Variants in GABRA1 observed in about 807,000 individuals in gnomAD.
The protein encoded by GABRA1 is gamma-aminobutyric acid type A receptor subunit alpha1, also known as gamma-aminobutyric acid receptor subunit alpha-1.
GABRA1 carries 9 observed loss-of-function variants against 48.9 expected under a neutral mutation model. The observed-to-expected ratio is 0.18, with a 90% CI of 0.11 to 0.32. GABRA1 has a LOEUF of 0.32. Among genes scored for constraint, GABRA1 ranks in the 10% least tolerant of loss-of-function variants. The pLI is 1.00. For missense variants in GABRA1, 285 were observed against 553.8 expected, an observed-to-expected ratio of 0.51 and a Z score of 4.87; for synonymous variants, 210 against 198.7, an observed-to-expected ratio of 1.06 and a Z score of -0.48.
chr5:161,869,583 T>C (rs1561573515), intron 4 of GABRA1, among the ~76,000 whole-genome samples: 1 of 152,194 alleles, frequency 6.6e-6, no homozygotes, highest in Non-Finnish European at 1.5e-5. Flanking sequence ...CACAGAGCCT[T>C]GTTTTCCATA....
At position 161,850,903 on chromosome 5, in the gene GABRA1, A is replaced by G. The variant is rs370522819; in HGVS notation, c.74+19A>G. On this transcript the variant is annotated intron_variant, in intron 2 of 9. Transcript: ENST00000393943. ...GAAGAAGGTGGGGACACTTTTTTAA[A>G]AATCTGCATGAAAATTTCTGTAACT... The G allele has an allele frequency of 1.8e-4, 285 of 1,600,174 alleles. 1 individual carries two copies. Among genetic ancestry groups the G allele is most frequent in the Admixed American group, 1.8e-4 (11 of 59,976 alleles).
In GABRA1 at chr5:161,871,527, A is replaced by G. The variant is rs114344647; in HGVS notation, c.256-1590A>G. Among the ~76,000 whole-genome samples, 783 of 152,286 alleles carry G rather than the reference A, an allele frequency of 5.1e-3. 11 individuals carry two copies. Among genetic ancestry groups the G allele is most frequent in the African/African-American group, 0.018 (752 of 41,568 alleles). ...CAGTTTTCCTGACAGGCATTGGCACATTGTATCACTTGCTGATATCATCCA... is the reference window on the plus strand; with the variant it reads ...CAGTTTTCCTGACAGGCATTGGCACGTTGTATCACTTGCTGATATCATCCA... On this transcript the variant is annotated intron_variant, in intron 4 of 9. Coordinates refer to ENST00000393943, the MANE Select transcript of GABRA1 (RefSeq NM_001127644.2).
chr5:161,856,724 G>A lies in GABRA1; in HGVS notation c.187+2454G>A, dbSNP rs187909593. On this transcript the variant is annotated intron_variant, in intron 3 of 9. Coordinates refer to ENST00000393943, the MANE Select transcript of GABRA1 (RefSeq NM_001127644.2). ...TTTTTTAATCCTTAAGGAATAAAAT[G>A]GCACATGTTTATTACTTATATCTAC... Among the ~76,000 whole-genome samples, 77 of 150,794 alleles carry A rather than the reference G, an allele frequency of 5.1e-4. 2 individuals are homozygous for A. In the East Asian group the frequency reaches 7.2e-3, roughly 14 times the overall value.
At chr5:161,879,167 G>A (rs1754499395) in intron 6 of GABRA1, among the ~76,000 whole-genome samples, 1 of 152,138 alleles carries the variant, frequency 6.6e-6, no homozygotes, top group African/African-American at 2.4e-5. Context: ...GGAGTGCAGT[G>A]GCACAATCAG....
chr5:161,882,383 A>C, intron 6 of GABRA1, 175 bp from the exon 7 acceptor site: 1 of 639,638 alleles, frequency 1.6e-6, no homozygotes, highest in Non-Finnish European at 2.7e-6. Context: ...TGACTAAAAA[A>C]AAAAAATCAG....
chr5:161,879,186 G>T (rs1754500331), intron 6 of GABRA1, among the ~76,000 whole-genome samples: 1 of 152,138 alleles, frequency 6.6e-6, no homozygotes, highest in South Asian at 2.1e-4. Flanking sequence ...AGGGCTCACT[G>T]CTGGCTCAAC....
intron 6 of GABRA1, 168 bp from the exon 7 acceptor site, chr5:161,882,389 AT>A (rs769027292): frequency 1.6e-6 from 1 of 621,316 alleles, no homozygotes; most frequent in Non-Finnish European, 2.8e-6. Flanking sequence ...AAAAAAAAAA[AT>A]CAGAAAACGT....
chr5:161,852,362 A>T (rs1330409916), intron 2 of GABRA1, among the ~76,000 whole-genome samples: 1 of 152,060 alleles, frequency 6.6e-6, no homozygotes, highest in Non-Finnish European at 1.5e-5. Flanking sequence ...AAGTTTATTT[A>T]GTCATGTTAC....
intron 3 of GABRA1, among the ~76,000 whole-genome samples, chr5:161,859,202 A>G (rs1021358872): frequency 6.6e-6 from 1 of 151,752 alleles, no homozygotes; most frequent in African/African-American, 2.4e-5. Flanking sequence ...AATGTATTTT[A>G]ACAGTAACAT....
intron 3 of GABRA1, among the ~76,000 whole-genome samples, chr5:161,857,635 C>T (rs909916931): frequency 2.6e-5 from 4 of 151,248 alleles, no homozygotes; most frequent in African/African-American, 4.8e-5. Context: ...GATTAGAATA[C>T]GTGGAATTCT....
Position 161,854,158 on chromosome 5 carries a change from C to T in GABRA1, c.75C>T (p.Ser25=), listed in dbSNP as rs75423500. The change falls in exon 3 of 10, where the codon AGC becomes AGT. Residue 25 remains serine (S), a splice_region_variant and synonymous_variant. Coordinates refer to ENST00000393943, the MANE Select transcript of GABRA1 (RefSeq NM_001127644.2). ...ILLLSTLTGR[S]YGQPSLQDEL... ...TGCTTCTCTTTATGTTTTTTTTCAGCTATGGACAGCCGTCATTACAAGATG... is the reference window on the plus strand; with the variant it reads ...TGCTTCTCTTTATGTTTTTTTTCAGTTATGGACAGCCGTCATTACAAGATG... The T allele has an allele frequency of 4.1e-5, 63 of 1,537,360 alleles. No individual in the cohort carries two copies. Among genetic ancestry groups the T allele is most frequent in the Non-Finnish European group, 5.5e-5 (61 of 1,112,680 alleles).
intron 7 of GABRA1, among the ~76,000 whole-genome samples, chr5:161,885,017 G>T (rs1425946539): frequency 3.3e-5 from 5 of 152,140 alleles, no homozygotes; most frequent in Non-Finnish European, 7.3e-5. Flanking sequence ...ACACCTATGA[G>T]GGTAGACCTC....
chr5:161,852,772 A>T (rs1443002099), intron 2 of GABRA1, among the ~76,000 whole-genome samples: 2 of 152,028 alleles, frequency 1.3e-5, no homozygotes, highest in African/African-American at 2.4e-5. Flanking sequence ...AATATTATGG[A>T]TAGCCTTTAG....
At chr5:161,857,051 T>G (rs1032229051) in intron 3 of GABRA1, among the ~76,000 whole-genome samples, 5 of 151,238 alleles carry the variant, frequency 3.3e-5, no homozygotes, top group African/African-American at 1.2e-4. Context: ...TTTTACTTTT[T>G]TTTATAGGAG....
At chr5:161,887,369 C>G (rs534516352) in intron 7 of GABRA1, among the ~76,000 whole-genome samples, 54 of 152,068 alleles carry the variant, frequency 3.6e-4, no homozygotes, top group Non-Finnish European at 6.5e-4. Context: ...TCCAAAGAGC[C>G]TAGGGGCTTC....
At chr5:161,866,831 C>T (rs1167642608) in intron 4 of GABRA1, among the ~76,000 whole-genome samples, 2 of 152,042 alleles carry the variant, frequency 1.3e-5, no homozygotes, top group Admixed American at 6.6e-5. Flanking sequence ...GATTTTAAGA[C>T]AAGTTTTGAA....
At chr5:161,861,946 T>C (rs546594678) in intron 3 of GABRA1, among the ~76,000 whole-genome samples, 1 of 152,028 alleles carries the variant, frequency 6.6e-6, no homozygotes, top group African/African-American at 2.4e-5. Context: ...ACCTCCATCA[T>C]CAGTTATGAA....
intron 6 of GABRA1, among the ~76,000 whole-genome samples, chr5:161,878,813 G>A (rs568937798): frequency 6.6e-6 from 1 of 152,144 alleles, no homozygotes; most frequent in Non-Finnish European, 1.5e-5. Context: ...CTAGGCAAAA[G>A]CTGAATCTAT....
intron 8 of GABRA1, among the ~76,000 whole-genome samples, chr5:161,894,804 T>A (rs1053042553): frequency 1.3e-5 from 2 of 152,148 alleles, no homozygotes; most frequent in African/African-American, 4.8e-5. Context: ...CATATAATTG[T>A]GTAAGTAAAC....
Sources: gnomAD v4.1 joint callset for allele counts (sites outside exome capture counted in the v4.1 genomes callset) on GRCh38, gnomAD v4.1.1 for gene constraint, MANE v1.5 for transcripts, NCBI Gene and HGNC (gene_info 2026-07-23, HGNC 2026-07-21) for gene names.